The following TRIO variants were observed in gnomAD, a reference collection of about 807,000 sequenced individuals.
TRIO encodes the protein triple functional domain protein.
A neutral mutation model predicts 351.9 loss-of-function variants in TRIO; 58 were observed. That is an observed-to-expected ratio of 0.16 (90% CI 0.13 to 0.21). The LOEUF (loss-of-function observed/expected upper bound fraction) is 0.21. Ranked by LOEUF, TRIO falls within the 10% of genes least tolerant of loss-of-function variation. The pLI is 1.00. For missense variants in TRIO, 3,201 were observed against 4,027.8 expected (o/e 0.79, Z 5.56); for synonymous variants, 1,758 against 1,595.7 (o/e 1.10, Z -2.42).
chr5:14,409,657 A>C (rs1284668328), intron 33 of TRIO, among the ~76,000 whole-genome samples: 5 of 151,862 alleles, frequency 3.3e-5, no homozygotes, highest in Non-Finnish European at 7.4e-5. Context: ...ACATGGTGAA[A>C]CCCCGTCTCT....
chr5:14,430,818 G>A (rs1406190908), intron 34 of TRIO, among the ~76,000 whole-genome samples: 1 of 151,830 alleles, frequency 6.6e-6, no homozygotes, highest in Non-Finnish European at 1.5e-5. Flanking sequence ...CGAGTTCAAG[G>A]GATTCTCCTG....
intron 1 of TRIO, among the ~76,000 whole-genome samples, chr5:14,158,336 A>C (rs924643575): frequency 2.6e-5 from 4 of 151,560 alleles, no homozygotes; most frequent in African/African-American, 4.9e-5. Flanking sequence ...GAGGCAGAAG[A>C]AGCGCTTGAA....
intron 11 of TRIO, among the ~76,000 whole-genome samples, chr5:14,343,519 T>C (rs1284823632): frequency 6.6e-6 from 1 of 152,236 alleles, no homozygotes; most frequent in Non-Finnish European, 1.5e-5. Context: ...CATGTAACTT[T>C]TTGAGATGGC....
In TRIO at chr5:14,227,958, A is replaced by T. The variant is rs932972643; in HGVS notation, c.158-42867A>T. 4.6e-5 allele frequency among the ~76,000 whole-genome samples: 7 copies of T among 152,202 alleles called. No individual in the cohort carries two copies. The East Asian group carries it at 1.3e-3, about 29-fold the overall frequency. ...ATATTCACAGTGAGGACAGCTCATC[A>T]TTAATGCTTAGCCAAGTATTCCATT... On this transcript the variant is annotated intron_variant, in intron 1 of 56. Transcript: ENST00000344204.
intron 2 of TRIO, 93 bp from the exon 3 acceptor site, chr5:14,280,229 C>T: frequency 8.0e-7 from 1 of 1,248,328 alleles, no homozygotes; most frequent in Non-Finnish European, 1.2e-6. Flanking sequence ...TGTGTAGTTG[C>T]TTTAGGAATA....
chr5:14,219,478 G>A (rs1434749405), intron 1 of TRIO, among the ~76,000 whole-genome samples: 9 of 152,216 alleles, frequency 5.9e-5, no homozygotes, highest in African/African-American at 1.4e-4. Context: ...TGCTGCCCGC[G>A]TGTTTGGATG....
At chr5:14,423,797 C>T (rs1389344923) in intron 34 of TRIO, among the ~76,000 whole-genome samples, 1 of 152,070 alleles carries the variant, frequency 6.6e-6, no homozygotes, top group Non-Finnish European at 1.5e-5. Context: ...CTGGGGAGGG[C>T]CTTCCGTCAC....
At chr5:14,344,284 T>C (rs1742207188) in intron 11 of TRIO, among the ~76,000 whole-genome samples, 1 of 152,250 alleles carries the variant, frequency 6.6e-6, no homozygotes, top group Admixed American at 6.5e-5. Flanking sequence ...TTACATAGAC[T>C]GCGGTATCTA....
chr5:14,422,231 C>T (rs928364237), intron 34 of TRIO, among the ~76,000 whole-genome samples: 3 of 152,342 alleles, frequency 2.0e-5, no homozygotes. Flanking sequence ...GCCTCACCCT[C>T]GCTTCAGAAC....
At chr5:14,251,354 C>T (rs771227378) in intron 1 of TRIO, among the ~76,000 whole-genome samples, 1 of 152,210 alleles carries the variant, frequency 6.6e-6, no homozygotes, top group Non-Finnish European at 1.5e-5. Context: ...TTGATCAGCA[C>T]TCACGGGCAG....
rs1789481859 is a variant in TRIO, at chr5:14,177,542, T to C, written c.157+33660T>C. On this transcript the variant is annotated intron_variant, in intron 1 of 56. Coordinates refer to ENST00000344204, the MANE Select transcript of TRIO (RefSeq NM_007118.4). Reference sequence around the variant, plus strand: ...AGGATTCTTGTACTTTTAAGCCTGCTACCTGTGGTTTATGATCAGATAGGA... The same window carrying C: ...AGGATTCTTGTACTTTTAAGCCTGCCACCTGTGGTTTATGATCAGATAGGA... Among the ~76,000 whole-genome samples, 3 of 152,320 alleles carry C rather than the reference T, an allele frequency of 2.0e-5. No homozygotes were observed. The South Asian group carries it at 6.2e-4, about 32-fold the overall frequency.
At chr5:14,250,308 A>G (rs1205243020) in intron 1 of TRIO, among the ~76,000 whole-genome samples, 3 of 152,260 alleles carry the variant, frequency 2.0e-5, no homozygotes, top group East Asian at 1.9e-4. Context: ...GCTCAGAGCG[A>G]CTGTGCGTTT....
chr5:14,214,800 T>TGTTC (rs1231960317), intron 1 of TRIO, among the ~76,000 whole-genome samples: 1 of 152,200 alleles, frequency 6.6e-6, no homozygotes, highest in Non-Finnish European at 1.5e-5. Flanking sequence ...GACAAGTGTG[T>TGTTC]GTTCTATTTA....
chr5:14,427,523 A>G (rs370598227), intron 34 of TRIO, among the ~76,000 whole-genome samples: 96 of 152,114 alleles, frequency 6.3e-4, no homozygotes, highest in African/African-American at 2.2e-3. Flanking sequence ...AGTTACCAGA[A>G]ACGACCTCAC....
intron 34 of TRIO, among the ~76,000 whole-genome samples, chr5:14,447,102 G>A (rs1752494509): frequency 6.6e-6 from 1 of 152,202 alleles, no homozygotes; most frequent in African/African-American, 2.4e-5. Flanking sequence ...TGTGGTGGCG[G>A]GCACCTATAA....
At chr5:14,174,755 TC>T (rs914524513) in intron 1 of TRIO, among the ~76,000 whole-genome samples, 1 of 152,228 alleles carries the variant, frequency 6.6e-6, no homozygotes, top group African/African-American at 2.4e-5. Context: ...GGGATTTTAG[TC>T]TACAGTCGAG....
chr5:14,497,303 G>A lies in TRIO; in HGVS notation c.8019+286G>A, dbSNP rs1756966994. Among the ~76,000 whole-genome samples, 2 of 152,202 alleles carry A rather than the reference G, an allele frequency of 1.3e-5. No individual in the cohort carries two copies. The highest frequency in any genetic ancestry group is 4.1e-4 in the South Asian group (2 of 4,828). On this transcript the variant is annotated intron_variant, in intron 50 of 56. Transcript: ENST00000344204. This position sits in a 1 kb window ranked among gnomAD's most constrained non-coding sequence, Gnocchi z 4.4. ...GTTTGCAAATGAAGCACAGAGACTA[G>A]GTTCTCAGAAGCAGCGAAGGTGCAG...
intron 38 of TRIO, among the ~76,000 whole-genome samples, chr5:14,472,198 C>T (rs1754741502): frequency 6.6e-6 from 1 of 152,248 alleles, no homozygotes; most frequent in Non-Finnish European, 1.5e-5. Context: ...AAGGTTTAAA[C>T]ATCTGATTTA....
intron 1 of TRIO, among the ~76,000 whole-genome samples, chr5:14,261,023 AC>A (rs61631444): frequency 2.0e-5 from 3 of 152,042 alleles, no homozygotes; most frequent in African/African-American, 7.2e-5. Flanking sequence ...CCCTCCTTAA[AC>A]CCTTTTTTGT....
Sources: gnomAD v4.1 joint callset for allele counts (sites outside exome capture counted in the v4.1 genomes callset) on GRCh38, gnomAD v4.1.1 for gene constraint, Gnocchi (gnomAD v3.1) non-coding constraint, MANE v1.5 for transcripts, NCBI Gene and HGNC (gene_info 2026-07-23, HGNC 2026-07-21) for gene names.